FAM184A: variants seen among roughly 807,000 people sequenced by gnomAD.
The protein encoded by FAM184A is protein FAM184A.
Under a neutral mutation model 143.8 loss-of-function variants are expected in FAM184A, and 99 were observed. The observed-to-expected ratio is 0.69, with a 90% CI of 0.58 to 0.81. The LOEUF (loss-of-function observed/expected upper bound fraction) is 0.81, where lower values mean the gene tolerates loss of function less well. FAM184A is among the 40% of genes least tolerant of loss of function. FAM184A has a pLI of 0.00. For missense variants in FAM184A, 1,217 were observed against 1,310.5 expected, an observed-to-expected ratio of 0.93 and a Z score of 1.10; for synonymous variants, 427 against 446.4, an observed-to-expected ratio of 0.96 and a Z score of 0.55.
At chr6:119,119,222 C>G (rs1173750389) in intron 1 of FAM184A, among the ~76,000 whole-genome samples, 1 of 152,210 alleles carries the variant, frequency 6.6e-6, no homozygotes, top group Non-Finnish European at 1.5e-5. Flanking sequence ...AATTTCGCCC[C>G]GGTCCTGTGG....
At chr6:119,119,135 G>C (rs140316149) in intron 1 of FAM184A, among the ~76,000 whole-genome samples, 6 of 152,178 alleles carry the variant, frequency 3.9e-5, no homozygotes, top group African/African-American at 1.4e-4. Context: ...GGTCAGACTG[G>C]TTGTCTGCTG....
chr6:119,024,219 A>C lies in FAM184A; in HGVS notation c.754T>G (p.Leu252Val). 6.2e-7 allele frequency: 1 copy of C among 1,614,230 alleles called. No homozygotes were observed. The highest frequency in any genetic ancestry group is 8.5e-7 in the Non-Finnish European group (1 of 1,180,048). ...KKLIEDYEGK[L>V]NKAQSFYERE... The stretch of plus-strand genomic sequence containing the variant: ...TCATAAAAGGACTGAGCTTTATTCA[A>C]CTTGCCTTCATAATCCTCAATTAGT... Residue 252 changes from leucine (L) to valine (V), a missense_variant, in exon 2 of 18, where the codon TTG becomes GTG. Transcript: ENST00000338891.
chr6:119,032,096 A>G (rs147468386), intron 1 of FAM184A, among the ~76,000 whole-genome samples: 3 of 152,034 alleles, frequency 2.0e-5, no homozygotes, highest in African/African-American at 7.3e-5. Flanking sequence ...ACATGGCGAA[A>G]CCCTATCTTT....
chr6:119,063,181 T>G (rs1431171067), intron 1 of FAM184A, among the ~76,000 whole-genome samples: 2 of 152,160 alleles, frequency 1.3e-5, no homozygotes, highest in African/African-American at 4.8e-5. Flanking sequence ...TATGCAAAAA[T>G]TTTGTATAAA....
chr6:119,019,047 T>C (rs76759442), intron 4 of FAM184A, among the ~76,000 whole-genome samples: 1 of 152,280 alleles, frequency 6.6e-6, no homozygotes, highest in East Asian at 1.9e-4. Flanking sequence ...AGAAAATGTC[T>C]GGCCTGGACC....
intron 1 of FAM184A, among the ~76,000 whole-genome samples, chr6:119,148,595 A>T (rs60186711): frequency 0.05 from 7,584 of 152,176 alleles, 605 homozygotes; most frequent in African/African-American, 0.17. Flanking sequence ...TATTGCTGCC[A>T]GCATCAGATG....
intron 4 of FAM184A, among the ~76,000 whole-genome samples, chr6:119,019,190 G>A (rs567044072): frequency 2.0e-5 from 3 of 152,314 alleles, no homozygotes; most frequent in South Asian, 2.1e-4. Flanking sequence ...TCACAAAGAA[G>A]ACTGTAAGGC....
chr6:119,124,606 G>A (rs965741712), intron 1 of FAM184A, among the ~76,000 whole-genome samples: 2 of 152,040 alleles, frequency 1.3e-5, no homozygotes, highest in Admixed American at 6.5e-5. Context: ...GCTTACAAAG[G>A]GTTCATCTAA....
chr6:119,020,479 G>T (rs1050421264), intron 3 of FAM184A, among the ~76,000 whole-genome samples: 1 of 151,888 alleles, frequency 6.6e-6, no homozygotes, highest in Non-Finnish European at 1.5e-5. Flanking sequence ...TGAAGTAGGC[G>T]CAACTCCTCA....
rs934438561 is a variant in FAM184A at position 119,103,209 on chromosome 6, C to T, written c.-202+45869G>A. Among the ~76,000 whole-genome samples, 5 of 152,216 alleles carry T rather than the reference C, an allele frequency of 3.3e-5. No individual in the cohort carries two copies. In the East Asian group the frequency reaches 7.7e-4, roughly 23 times the overall value. ...TGATGCCTGAAACTACTACATCCAT[C>T]TTGTTACCAGTCAGAGTATGAAGCC... On this transcript the variant is annotated intron_variant, in intron 1 of 16. Coordinates refer to the FAM184A transcript ENST00000352896.
chr6:119,094,447 T>G (rs1788454181), intron 1 of FAM184A, among the ~76,000 whole-genome samples: 1 of 152,182 alleles, frequency 6.6e-6, no homozygotes, highest in East Asian at 1.9e-4. Flanking sequence ...TTAGATACTA[T>G]ATAAGTGAAG....
intron 1 of FAM184A, among the ~76,000 whole-genome samples, chr6:119,143,396 A>G (rs1772311672): frequency 1.3e-5 from 2 of 152,322 alleles, no homozygotes; most frequent in East Asian, 1.9e-4. Context: ...ACTAATCTAT[A>G]TCTCTGAAAA....
chr6:119,093,219 G>A (rs1788421142), intron 1 of FAM184A, among the ~76,000 whole-genome samples: 1 of 152,102 alleles, frequency 6.6e-6, no homozygotes, highest in Non-Finnish European at 1.5e-5. Context: ...ACAGTCAGGC[G>A]ATTGGTCTCA....
At chr6:119,034,566 G>GA (rs1786035093) in intron 1 of FAM184A, among the ~76,000 whole-genome samples, 1 of 88,276 alleles carries the variant, frequency 1.1e-5, no homozygotes, top group Admixed American at 1.4e-4. Flanking sequence ...TTAATATATA[G>GA]TTTTTTTTTT....
intron 1 of FAM184A, among the ~76,000 whole-genome samples, chr6:119,096,323 A>G (rs1562148467): frequency 6.6e-6 from 1 of 152,214 alleles, no homozygotes. Flanking sequence ...AGTACTTTAC[A>G]CTGCTTTGGA....
chr6:119,085,165 G>C (rs1189914270), intron 1 of FAM184A, among the ~76,000 whole-genome samples: 1 of 152,152 alleles, frequency 6.6e-6, no homozygotes, highest in African/African-American at 2.4e-5. Flanking sequence ...ACATGACCAG[G>C]CTGCAAATTT....
At chr6:119,101,068 T>C (rs1788625410) in intron 1 of FAM184A, among the ~76,000 whole-genome samples, 1 of 91,626 alleles carries the variant, frequency 1.1e-5, no homozygotes, top group Admixed American at 1.3e-4. Flanking sequence ...CAATGCACTT[T>C]CTTTTTTTTT....
chr6:118,974,336 A>G, intron 14 of FAM184A, 92 bp downstream of exon 14: 1 of 1,238,258 alleles, frequency 8.1e-7, no homozygotes, highest in South Asian at 1.6e-5. Flanking sequence ...TATCCTTTTT[A>G]TTAGAGTCAA....
chr6:119,005,126 C>T (rs1352462333), intron 7 of FAM184A, among the ~76,000 whole-genome samples: 1 of 151,726 alleles, frequency 6.6e-6, no homozygotes, highest in Non-Finnish European at 1.5e-5. Context: ...AGCTTCACAC[C>T]ACAGAATGCT....
Sources: gnomAD v4.1 joint callset for allele counts (sites outside exome capture counted in the v4.1 genomes callset) on GRCh38, gnomAD v4.1.1 for gene constraint, MANE v1.5 for transcripts, NCBI Gene and HGNC (gene_info 2026-07-23, HGNC 2026-07-21) for gene names.